The following IQSEC1 variants were observed in gnomAD, a reference collection of about 807,000 sequenced individuals.
IQSEC1 encodes the protein IQ motif and SEC7 domain-containing protein 1.
IQSEC1 carries 31 observed loss-of-function variants against 91.0 expected under a neutral mutation model. The ratio of observed to expected loss-of-function variants is 0.34; its 90% CI spans 0.26 to 0.46. The LOEUF (loss-of-function observed/expected upper bound fraction) is 0.46. Ranked by LOEUF, IQSEC1 falls within the 20% of genes least tolerant of loss-of-function variation. The pLI is 1.00. For synonymous variants in IQSEC1, 699 were observed against 662.6 expected (o/e 1.05, Z -0.84); for missense variants, 1,388 against 1,575.6 (o/e 0.88, Z 2.02).
intron 2 of IQSEC1, among the ~76,000 whole-genome samples, chr3:13,080,036 A>C (rs557558441): frequency 7.2e-5 from 11 of 152,362 alleles, no homozygotes; most frequent in African/African-American, 2.6e-4. Flanking sequence ...TTGCTTGCAG[A>C]TGGAACAACA....
At chr3:13,108,998 A>G (rs1706197597) in intron 2 of IQSEC1, among the ~76,000 whole-genome samples, 1 of 152,238 alleles carries the variant, frequency 6.6e-6, no homozygotes, top group African/African-American at 2.4e-5. Flanking sequence ...CACATGGTCA[A>G]TGCGTCCTGG....
intron 1 of IQSEC1, among the ~76,000 whole-genome samples, chr3:13,277,106 T>TAAAAAAAAAAAAAAAAAA (rs4034193): frequency 2.8e-5 from 1 of 35,992 alleles, no homozygotes; most frequent in Non-Finnish European, 4.4e-5. Flanking sequence ...TGCTCCTCCT[T>TAAAAAAAAAAAAAAAAAA]AAAAAAAAAA....
At chr3:13,268,127 G>A (rs1392813651) in intron 1 of IQSEC1, among the ~76,000 whole-genome samples, 1 of 152,230 alleles carries the variant, frequency 6.6e-6, no homozygotes, top group Non-Finnish European at 1.5e-5. Context: ...GCCAGGTTCT[G>A]TCACGGCCAA....
intron 1 of IQSEC1, among the ~76,000 whole-genome samples, chr3:13,234,031 T>C (rs562822755): frequency 6.6e-6 from 1 of 152,244 alleles, no homozygotes; most frequent in African/African-American, 2.4e-5. Flanking sequence ...GCGCTCTGCA[T>C]GCCACTTCCG....
At chr3:13,136,105 T>C (rs1706705955) in intron 2 of IQSEC1, among the ~76,000 whole-genome samples, 1 of 152,006 alleles carries the variant, frequency 6.6e-6, no homozygotes, top group Non-Finnish European at 1.5e-5. Context: ...GTGAGTGCCA[T>C]GGAAAAAGCA....
Position 12,899,611 on chromosome 3 carries a change from G to T in IQSEC1, c.*1372C>A. ...GCAGCGGGGGCTCCGCCGGGCACTC[G>T]TCGGCTGGGGTCACACGGGCCACGG... is the stretch of plus-strand genomic sequence containing the variant. On this transcript the variant is annotated 3_prime_UTR_variant, in exon 14 of 14. Transcript: ENST00000613206. 1.0e-6 allele frequency: 1 copy of T among 985,432 alleles called. No homozygotes were observed. The highest frequency in any genetic ancestry group is 1.2e-6 in the Non-Finnish European group (1 of 829,934). 61.0% of individuals were successfully genotyped at this position (985,432 alleles called of 1,614,324 possible).
At chr3:12,949,487 G>A (rs987692946) in intron 1 of IQSEC1, among the ~76,000 whole-genome samples, 1 of 152,234 alleles carries the variant, frequency 6.6e-6, no homozygotes, top group Non-Finnish European at 1.5e-5. Flanking sequence ...CCTGAAGTAC[G>A]TATGCCCATC....
upstream of IQSEC1, among the ~76,000 whole-genome samples, chr3:13,076,645 C>T (rs1256631513): frequency 1.3e-5 from 2 of 152,124 alleles, no homozygotes; most frequent in African/African-American, 2.4e-5. Flanking sequence ...GAAGTGAACC[C>T]CCCACCCCCG....
chr3:13,147,852 C>A (rs1348650900), intron 2 of IQSEC1, among the ~76,000 whole-genome samples: 22 of 152,176 alleles, frequency 1.4e-4, no homozygotes, highest in Admixed American at 1.4e-3. Flanking sequence ...AGGCTGGTCT[C>A]GAACTCCTGA....
At chr3:13,178,516 AGGT>A (rs1388468033) in intron 1 of IQSEC1, among the ~76,000 whole-genome samples, 1 of 152,244 alleles carries the variant, frequency 6.6e-6, no homozygotes, top group African/African-American at 2.4e-5. Flanking sequence ...GTCTGAGATC[AGGT>A]GCCCTTACAA....
chr3:13,070,017 A>G (rs1168256631), intron 1 of IQSEC1, among the ~76,000 whole-genome samples: 2 of 151,916 alleles, frequency 1.3e-5, no homozygotes, highest in East Asian at 3.9e-4. Flanking sequence ...TCTCGATTCC[A>G]TAAAGCTCCC....
At chr3:12,934,330 C>T (rs558405676) in intron 3 of IQSEC1, among the ~76,000 whole-genome samples, 1 of 152,340 alleles carries the variant, frequency 6.6e-6, no homozygotes, top group South Asian at 2.1e-4. Flanking sequence ...GAGGCTCTTC[C>T]TGAGACAGGC....
At chr3:12,953,394 T>C (rs567809020) in intron 1 of IQSEC1, among the ~76,000 whole-genome samples, 1 of 152,344 alleles carries the variant, frequency 6.6e-6, no homozygotes, top group South Asian at 2.1e-4. Context: ...GCCTCAGGCC[T>C]GCCCTGCTGA....
rs57912681 is a variant in IQSEC1 at position 13,191,477 on chromosome 3, A to ATTT, written c.273-27347_273-27345dup. Among the ~76,000 whole-genome samples, 25 of 92,098 alleles carry ATTT rather than the reference A, an allele frequency of 2.7e-4. 1 individual carries two copies. Among genetic ancestry groups the ATTT allele is most frequent in the East Asian group, 1.6e-3 (4 of 2,560 alleles). The allele number at this position is 92,098 out of a possible 152,430, so 60.4% of individuals were successfully genotyped here. ...AGCTCCCAGTCCCCACACCCAGCTA[A>ATTT]TTTTTTTTTTTTTTTTTTTTTTTTT... On this transcript the variant is annotated intron_variant, in intron 1 of 15. Coordinates refer to the IQSEC1 transcript ENST00000648114.
At chr3:13,067,409 T>C (rs923433573) in intron 1 of IQSEC1, among the ~76,000 whole-genome samples, 1 of 152,138 alleles carries the variant, frequency 6.6e-6, no homozygotes, top group African/African-American at 2.4e-5. Flanking sequence ...TCCACAGGCA[T>C]TGGGTGGGGG....
rs1411131244 is a variant in IQSEC1, at chr3:13,008,382, C to T, written c.23+64610G>A. ...GTCCACTGTCCAACCCAGACGTCCT[C>T]TCTGAGAGTGCTGCCATTAGTCTCC... On this transcript the variant is annotated intron_variant, in intron 1 of 13. Transcript: ENST00000613206. The surrounding 1 kb of genome is among the most constrained non-coding windows in gnomAD (Gnocchi z 4.1). Among the ~76,000 whole-genome samples the T allele has an allele frequency of 6.6e-6, 1 of 152,218 alleles. No homozygotes were observed. The highest frequency in any genetic ancestry group is 2.4e-5 in the African/African-American group (1 of 41,456).
intron 1 of IQSEC1, among the ~76,000 whole-genome samples, chr3:13,054,687 G>A (rs936097820): frequency 6.6e-6 from 1 of 152,228 alleles, no homozygotes; most frequent in Admixed American, 6.5e-5. Context: ...GCGCAGAGAA[G>A]TGAAGAGGTG....
chr3:12,944,263 G>A (rs1699017948), intron 1 of IQSEC1, among the ~76,000 whole-genome samples: 1 of 152,212 alleles, frequency 6.6e-6, no homozygotes, highest in South Asian at 2.1e-4. Flanking sequence ...CTTGGTAGGG[G>A]GCGAGGGGGA....
chr3:13,246,804 C>A (rs927966172), intron 1 of IQSEC1, among the ~76,000 whole-genome samples: 1 of 152,170 alleles, frequency 6.6e-6, no homozygotes, highest in African/African-American at 2.4e-5. Context: ...TCCCTCCCTG[C>A]ACGGACCGGG....
Sources: allele counts gnomAD v4.1 joint callset (sites outside exome capture counted in the v4.1 genomes callset), GRCh38; gene constraint gnomAD v4.1.1; non-coding constraint Gnocchi (gnomAD v3.1); transcripts MANE v1.5; gene names NCBI Gene and HGNC (gene_info 2026-07-23, HGNC 2026-07-21).